Variants in LRRTM4 observed in about 807,000 individuals in gnomAD.
LRRTM4 encodes leucine-rich repeat transmembrane neuronal protein 4.
A neutral mutation model predicts 47.6 loss-of-function variants in LRRTM4; 25 were observed. The ratio of observed to expected loss-of-function variants is 0.53; its 90% CI spans 0.38 to 0.73. The LOEUF is 0.73. LRRTM4 is among the 30% of genes least tolerant of loss of function. LRRTM4 has a pLI of 0.00. For missense variants in LRRTM4, 638 were observed against 713.4 expected, an observed-to-expected ratio of 0.89 and a Z score of 1.20; for synonymous variants, 311 against 269.5, an observed-to-expected ratio of 1.15 and a Z score of -1.51.
At chr2:77,166,584 C>G (rs1188146292) in intron 3 of LRRTM4, among the ~76,000 whole-genome samples, 3 of 152,154 alleles carry the variant, frequency 2.0e-5, no homozygotes, top group Admixed American at 6.6e-5. Flanking sequence ...ACCAAAACAG[C>G]ATGGCACTGG....
At chr2:77,123,447 T>C (rs1671571670) in intron 3 of LRRTM4, among the ~76,000 whole-genome samples, 1 of 152,088 alleles carries the variant, frequency 6.6e-6, no homozygotes. Flanking sequence ...GTTGCTATAT[T>C]TCCCCCATGT....
At chr2:76,783,930 C>CAG (rs1674530742) in intron 3 of LRRTM4, among the ~76,000 whole-genome samples, 2 of 152,038 alleles carry the variant, frequency 1.3e-5, no homozygotes, top group South Asian at 4.1e-4. Flanking sequence ...TGGTAATATC[C>CAG]AGATGATTCA....
chr2:77,350,845 A>G (rs1034688745), intron 3 of LRRTM4, among the ~76,000 whole-genome samples: 12 of 152,216 alleles, frequency 7.9e-5, no homozygotes, highest in Non-Finnish European at 1.2e-4. Context: ...TGCCATGTAT[A>G]AAAGACTTCA....
rs75030378 is a variant in LRRTM4, at chr2:76,834,842, T to A, written c.1552-85926A>T. ...GGCATATTATGTTATGCAATAGTAC[T>A]TGAATAAATGCCAAGTGAAATTTTG... On this transcript the variant is annotated intron_variant, in intron 3 of 3. Transcript: ENST00000409884. 5.3e-3 allele frequency among the ~76,000 whole-genome samples: 814 copies of A among 152,230 alleles called. 2 individuals carry two copies. Among genetic ancestry groups the A allele is most frequent in the Middle Eastern group, 0.014 (4 of 294 alleles).
chr2:76,770,158 G>A (rs1673633631), intron 3 of LRRTM4, among the ~76,000 whole-genome samples: 1 of 152,118 alleles, frequency 6.6e-6, no homozygotes, highest in South Asian at 2.1e-4. Context: ...GGGCTTAGAT[G>A]GAAAATGGAC....
chr2:77,513,623 C>A (rs1335159878), intron 3 of LRRTM4, among the ~76,000 whole-genome samples: 1 of 152,010 alleles, frequency 6.6e-6, no homozygotes, highest in Non-Finnish European at 1.5e-5. Flanking sequence ...GGCAGGACTG[C>A]AGTAGTGCAA....
intron 3 of LRRTM4, among the ~76,000 whole-genome samples, chr2:76,778,921 C>G (rs1403629904): frequency 2.6e-5 from 4 of 151,516 alleles, no homozygotes; most frequent in Non-Finnish European, 4.4e-5. Flanking sequence ...TCCCTTTACA[C>G]ACTGCTTTGA....
chr2:77,490,624 T>TTAAA (rs1678113484), intron 3 of LRRTM4, among the ~76,000 whole-genome samples: 1 of 150,554 alleles, frequency 6.6e-6, no homozygotes, highest in Non-Finnish European at 1.5e-5. Flanking sequence ...TCAAAAATAA[T>TTAAA]AAAAAAAAAC....
At chr2:76,902,859 C>T (rs573066004) in intron 3 of LRRTM4, among the ~76,000 whole-genome samples, 5 of 152,088 alleles carry the variant, frequency 3.3e-5, no homozygotes, top group South Asian at 2.1e-4. Context: ...ATGAAGTTTT[C>T]GAAAATGCTA....
intron 3 of LRRTM4, among the ~76,000 whole-genome samples, chr2:76,804,780 TTA>T (rs1036980648): frequency 2.7e-5 from 4 of 149,806 alleles, no homozygotes; most frequent in Non-Finnish European, 4.4e-5. Context: ...ATATCATGTT[TTA>T]TATATATATC....
intron 3 of LRRTM4, among the ~76,000 whole-genome samples, chr2:77,424,950 A>G (rs543421456): frequency 4.1e-4 from 62 of 152,240 alleles, no homozygotes; most frequent in African/African-American, 1.3e-3. Context: ...TTTTTATTTT[A>G]GATGCTTGAT....
intron 3 of LRRTM4, among the ~76,000 whole-genome samples, chr2:76,809,078 C>G (rs1474516662): frequency 6.6e-6 from 1 of 151,888 alleles, no homozygotes. Context: ...CGATTTTTCC[C>G]CTGATTCAAT....
At chr2:77,221,533 A>G (rs1425198291) in intron 3 of LRRTM4, among the ~76,000 whole-genome samples, 2 of 152,086 alleles carry the variant, frequency 1.3e-5, no homozygotes, top group African/African-American at 4.8e-5. Flanking sequence ...AATGGAAAAC[A>G]AAAAAAGGCA....
chr2:77,319,827 A>T, intron 3 of LRRTM4, among the ~76,000 whole-genome samples: 1 of 152,170 alleles, frequency 6.6e-6, no homozygotes, highest in Admixed American at 6.5e-5. Flanking sequence ...AAGATGTGTT[A>T]TTTTTCCCCA....
chr2:76,838,889 C>T (rs535236616), intron 3 of LRRTM4, among the ~76,000 whole-genome samples: 15 of 152,156 alleles, frequency 9.9e-5, no homozygotes, highest in African/African-American at 3.6e-4. Context: ...TTTAAGGACA[C>T]TGTTTTTAGT....
chr2:77,336,858 C>G (rs13032377), intron 3 of LRRTM4, among the ~76,000 whole-genome samples: 55,419 of 151,896 alleles, frequency 0.36, 12,739 homozygotes, highest in Non-Finnish European at 0.5. Flanking sequence ...TACTGGAAGT[C>G]CTCACCACAG....
intron 3 of LRRTM4, among the ~76,000 whole-genome samples, chr2:77,397,333 T>C (rs1673743250): frequency 6.6e-6 from 1 of 151,818 alleles, no homozygotes; most frequent in African/African-American, 2.4e-5. Flanking sequence ...GGGAGTATCT[T>C]GAAAGTATCA....
At chr2:77,517,909 A>T in intron 3 of LRRTM4, 1 of 990,888 alleles carries the variant, frequency 1.0e-6, no homozygotes, top group Non-Finnish European at 1.2e-6. Flanking sequence ...GAATTTTGGT[A>T]AACTCACTTT....
chr2:77,245,983 A>T (rs1675435700), intron 3 of LRRTM4, among the ~76,000 whole-genome samples: 1 of 152,212 alleles, frequency 6.6e-6, no homozygotes, highest in African/African-American at 2.4e-5. Context: ...AGCCAATTCC[A>T]TTAATCTCAA....
Sources: gnomAD v4.1 joint callset for allele counts (sites outside exome capture counted in the v4.1 genomes callset) on GRCh38, gnomAD v4.1.1 for gene constraint, MANE v1.5 for transcripts, NCBI Gene and HGNC (gene_info 2026-07-23, HGNC 2026-07-21) for gene names.